MC2R: variants seen among roughly 807,000 people sequenced by gnomAD.
The protein encoded by MC2R is melanocortin 2 receptor.
A neutral mutation model predicts 9.8 loss-of-function variants in MC2R; 9 were observed. The observed-to-expected ratio is 0.92, with a 90% CI of 0.55 to 1.60. The LOEUF (loss-of-function observed/expected upper bound fraction) is 1.60. Ranked by LOEUF, MC2R falls within the 40% of genes most tolerant of loss-of-function variation. The pLI is 0.00. For synonymous variants in MC2R, 185 were observed against 154.7 expected, an observed-to-expected ratio of 1.20 and a Z score of -1.45; for missense variants, 370 against 389.0, an observed-to-expected ratio of 0.95 and a Z score of 0.41.
chr18:13,905,415 G>A (rs547503585), intron 1 of MC2R, among the ~76,000 whole-genome samples: 13 of 152,048 alleles, frequency 8.5e-5, no homozygotes, highest in African/African-American at 2.9e-4. Context: ...GAATCCGGGA[G>A]GCAGAGGTTG....
intron 1 of MC2R, among the ~76,000 whole-genome samples, chr18:13,912,086 C>A (rs2045447914): frequency 6.6e-6 from 1 of 152,162 alleles, no homozygotes; most frequent in African/African-American, 2.4e-5. Flanking sequence ...GCATGTTCAG[C>A]AATTTTACTT....
chr18:13,905,015 A>G (rs2045404554), intron 1 of MC2R, among the ~76,000 whole-genome samples: 1 of 152,266 alleles, frequency 6.6e-6, no homozygotes, highest in Non-Finnish European at 1.5e-5. Flanking sequence ...AGCAATTGCA[A>G]CAAAAGCCAC....
intron 1 of MC2R, among the ~76,000 whole-genome samples, chr18:13,913,413 T>A (rs952070160): frequency 3.9e-5 from 6 of 152,202 alleles, no homozygotes; most frequent in African/African-American, 1.4e-4. Context: ...GGACACCTAC[T>A]AGGTTGATTA....
chr18:13,914,360 G>A (rs1453731832), intron 1 of MC2R, among the ~76,000 whole-genome samples: 5 of 152,138 alleles, frequency 3.3e-5, no homozygotes, highest in Non-Finnish European at 7.3e-5. Flanking sequence ...CCTCAGCGCC[G>A]GGGCTCCAGG....
chr18:13,909,000 T>A (rs1306216879), intron 1 of MC2R, among the ~76,000 whole-genome samples: 1 of 152,150 alleles, frequency 6.6e-6, no homozygotes, highest in African/African-American at 2.4e-5. Context: ...TGTTATTAAC[T>A]AAAGTCCATG....
intron 1 of MC2R, among the ~76,000 whole-genome samples, chr18:13,885,941 A>T (rs2045273509): frequency 6.6e-6 from 1 of 152,214 alleles, no homozygotes; most frequent in African/African-American, 2.4e-5. Flanking sequence ...ACATGGATGG[A>T]AGTGGAGGCC....
intron 1 of MC2R, among the ~76,000 whole-genome samples, chr18:13,886,071 G>A (rs1479828344): frequency 1.3e-4 from 20 of 151,868 alleles, no homozygotes; most frequent in African/African-American, 4.6e-4. Flanking sequence ...TTGGAGACTC[G>A]GAAGGGTGGG....
chr18:13,889,500 C>A (rs980227435), intron 1 of MC2R, among the ~76,000 whole-genome samples: 19 of 152,120 alleles, frequency 1.2e-4, no homozygotes, highest in Non-Finnish European at 1.2e-4. Flanking sequence ...AAAAGCAAAA[C>A]CGACTTTTGT....
At chr18:13,886,307 T>C (rs188197867) in intron 1 of MC2R, among the ~76,000 whole-genome samples, 1 of 152,344 alleles carries the variant, frequency 6.6e-6, no homozygotes, top group Admixed American at 6.5e-5. Context: ...TTTAGTGGAA[T>C]TTTGAGCCGA....
chr18:13,909,297 T>C (rs567499391), intron 1 of MC2R, among the ~76,000 whole-genome samples: 7 of 152,330 alleles, frequency 4.6e-5, no homozygotes, highest in African/African-American at 1.7e-4. Flanking sequence ...TCTCATTACA[T>C]CACATCAAGG....
rs567225539 is a variant in MC2R, at chr18:13,892,302, G to GATT, written c.-128-6659_-128-6657dup. Among the ~76,000 whole-genome samples the GATT allele has an allele frequency of 1.7e-4, 26 of 151,320 alleles. No homozygotes were observed. The South Asian group carries it at 5.5e-3, about 32-fold the overall frequency. ...AAGAGTTATTGTGACTTTTGCTAGAGATTACTGGCTTTGACTCAAACTTAG... is the reference window on the plus strand; with the variant it reads ...AAGAGTTATTGTGACTTTTGCTAGAGATTATTACTGGCTTTGACTCAAACTTAG... On this transcript the variant is annotated intron_variant, in intron 1 of 1. Transcript: ENST00000327606.
chr18:13,885,819 G>A (rs1251166727), intron 1 of MC2R, among the ~76,000 whole-genome samples, 173 bp from the exon 2 acceptor site: 2 of 152,132 alleles, frequency 1.3e-5, no homozygotes, highest in Non-Finnish European at 2.9e-5. Flanking sequence ...CAAAGATATG[G>A]AATCAACTAA....
chr18:13,915,081 C>A (rs778863926), intron 1 of MC2R, among the ~76,000 whole-genome samples: 4 of 152,104 alleles, frequency 2.6e-5, no homozygotes. Flanking sequence ...GTCTTTGTGG[C>A]GCTAAAACCC....
intron 1 of MC2R, among the ~76,000 whole-genome samples, chr18:13,901,249 A>G (rs2045378339): frequency 6.6e-6 from 1 of 152,134 alleles, no homozygotes; most frequent in African/African-American, 2.4e-5. Flanking sequence ...AAGCACTACT[A>G]AGAGGGAAAT....
In MC2R at chr18:13,884,474, T is replaced by G; in HGVS notation, c.*151A>C. ...ACAATAAGACTGTTCACATAGAACC[T>G]AGCTATTAGAAACACTAGCTGGTGG... On this transcript the variant is annotated 3_prime_UTR_variant, in exon 2 of 2. Transcript: ENST00000327606. The G allele has an allele frequency of 1.2e-6, 1 of 828,738 alleles. No individual in the cohort carries two copies. Among genetic ancestry groups the G allele is most frequent in the South Asian group, 1.4e-5 (1 of 69,736 alleles). 51.3% of individuals were successfully genotyped at this position (828,738 alleles called of 1,614,324 possible). A position where few individuals can be genotyped will look rare whatever the true frequency, so the allele number is the denominator to read the frequency against.
At chr18:13,890,251 G>T (rs116214780) in intron 1 of MC2R, among the ~76,000 whole-genome samples, 4 of 152,158 alleles carry the variant, frequency 2.6e-5, no homozygotes, top group Admixed American at 6.5e-5. Context: ...GGCTGCAGGC[G>T]TCCTGGGGCC....
chr18:13,906,629 G>C (rs1352666189), intron 1 of MC2R, among the ~76,000 whole-genome samples: 1 of 152,126 alleles, frequency 6.6e-6, no homozygotes, highest in African/African-American at 2.4e-5. Flanking sequence ...GTTATACTTA[G>C]AAAAACTTAG....
chr18:13,895,675 C>T (rs74639540), intron 1 of MC2R, among the ~76,000 whole-genome samples: 3,435 of 152,254 alleles, frequency 0.023, 112 homozygotes, highest in African/African-American at 0.079. Context: ...TACAGTCTAC[C>T]TCCAGGAAGG....
At chr18:13,887,627 G>A (rs2045285158) in intron 1 of MC2R, among the ~76,000 whole-genome samples, 1 of 152,200 alleles carries the variant, frequency 6.6e-6, no homozygotes. Flanking sequence ...GTAAAACAGA[G>A]GCCCTCTGGG....
Sources: gnomAD v4.1 joint callset for allele counts (sites outside exome capture counted in the v4.1 genomes callset) on GRCh38, gnomAD v4.1.1 for gene constraint, MANE v1.5 for transcripts, NCBI Gene and HGNC (gene_info 2026-07-23, HGNC 2026-07-21) for gene names.